SEMA3A: variants seen among roughly 807,000 people sequenced by gnomAD.
SEMA3A encodes the protein semaphorin 3A.
SEMA3A carries 29 observed loss-of-function variants against 97.9 expected under a neutral mutation model. The observed-to-expected ratio is 0.30, with a 90% confidence interval of 0.22 to 0.40. The LOEUF (loss-of-function observed/expected upper bound fraction) is 0.40, where lower values mean the gene tolerates loss of function less well. Among genes scored for constraint, SEMA3A ranks in the 10% least tolerant of loss-of-function variants. The pLI is 1.00. For synonymous variants in SEMA3A, 321 were observed against 323.7 expected, an observed-to-expected ratio of 0.99 and a Z score of 0.09; for missense variants, 763 against 951.3, an observed-to-expected ratio of 0.80 and a Z score of 2.60.
intron 3 of SEMA3A, among the ~76,000 whole-genome samples, chr7:84,228,611 G>GA (rs1055624742): frequency 5.3e-5 from 8 of 151,604 alleles, no homozygotes; most frequent in East Asian, 3.9e-4. Flanking sequence ...ATTTAGAAAA[G>GA]AAAAAAAACA....
chr7:84,436,564 C>G (rs902688921), intron 1 of SEMA3A, among the ~76,000 whole-genome samples: 1 of 152,110 alleles, frequency 6.6e-6, no homozygotes, highest in Non-Finnish European at 1.5e-5. Context: ...TTGTAAAACA[C>G]TGAAACTTTA....
At chr7:84,006,447 C>A (rs1790671399) in intron 10 of SEMA3A, among the ~76,000 whole-genome samples, 1 of 151,492 alleles carries the variant, frequency 6.6e-6, no homozygotes, top group Non-Finnish European at 1.5e-5. Flanking sequence ...AATCAGAATG[C>A]CCATCATGAC....
Position 84,384,018 on chromosome 7 carries a change from T to C in SEMA3A, c.-245-12118A>G, listed in dbSNP as rs1803336666. On this transcript the variant is annotated intron_variant, in intron 1 of 3. Transcript: ENST00000424555. ...CTTCCATGTCAGTCAATTTAGAATATTTGGAAACCTCATTAATCATTTGTT... is the reference window on the plus strand; with the variant it reads ...CTTCCATGTCAGTCAATTTAGAATACTTGGAAACCTCATTAATCATTTGTT... Among the ~76,000 whole-genome samples the C allele has an allele frequency of 2.0e-5, 3 of 152,300 alleles. No homozygotes were observed. In the South Asian group the frequency reaches 6.2e-4, roughly 32 times the overall value.
chr7:84,062,122 T>C (rs573974310), intron 4 of SEMA3A, among the ~76,000 whole-genome samples: 8 of 152,342 alleles, frequency 5.3e-5, no homozygotes, highest in African/African-American at 1.7e-4. Context: ...TTAAAAATGC[T>C]ATTTATATTC....
intron 6 of SEMA3A, among the ~76,000 whole-genome samples, chr7:84,014,726 A>C (rs973219098): frequency 3.9e-5 from 6 of 152,158 alleles, no homozygotes; most frequent in Admixed American, 3.9e-4. Context: ...TAAGAATTTA[A>C]ATCAAAATAT....
At position 84,019,559 on chromosome 7, in the gene SEMA3A, A is replaced by T. The variant is rs181178525; in HGVS notation, c.668-5208T>A. Among the ~76,000 whole-genome samples, 465 of 152,226 alleles carry T rather than the reference A, an allele frequency of 3.1e-3. 2 individuals carry two copies. The highest frequency in any genetic ancestry group is 0.01 in the African/African-American group (434 of 41,542). ...TTTAAATACAAATATGTACTTTAAA[A>T]TTTCTTTATCCTGAAAATAAACTTC... On this transcript the variant is annotated intron_variant, in intron 6 of 16. Coordinates refer to ENST00000265362, the MANE Select transcript of SEMA3A (RefSeq NM_006080.3).
intron 1 of SEMA3A, 62 bp downstream of exon 1, chr7:84,194,413 A>T: frequency 9.2e-7 from 1 of 1,081,700 alleles, no homozygotes; most frequent in Non-Finnish European, 1.4e-6. Context: ...AGGGAGTTCA[A>T]GGAATTAAGG....
intron 12 of SEMA3A, among the ~76,000 whole-genome samples, chr7:83,989,080 C>A (rs1371633406): frequency 5.3e-5 from 8 of 152,124 alleles, no homozygotes; most frequent in Admixed American, 4.6e-4. Flanking sequence ...TTCATTCCAA[C>A]AATTTCACAT....
At chr7:84,487,685 C>A (rs1806610443) in intron 1 of SEMA3A, among the ~76,000 whole-genome samples, 1 of 152,018 alleles carries the variant, frequency 6.6e-6, no homozygotes, top group African/African-American at 2.4e-5. Context: ...TAGAGGAAGT[C>A]CACTGTTTTT....
At chr7:84,296,465 C>T (rs946502468) in intron 3 of SEMA3A, among the ~76,000 whole-genome samples, 6 of 152,142 alleles carry the variant, frequency 3.9e-5, no homozygotes, top group Non-Finnish European at 7.4e-5. Context: ...TTCCTCATTC[C>T]ATCAGGTCTC....
At chr7:84,353,470 C>G (rs1802483029) in intron 2 of SEMA3A, among the ~76,000 whole-genome samples, 1 of 151,500 alleles carries the variant, frequency 6.6e-6, no homozygotes, top group South Asian at 2.1e-4. Context: ...CCAGAAATAA[C>G]AAATTTTAAC....
At chr7:84,328,564 A>T (rs1584242895) in intron 2 of SEMA3A, among the ~76,000 whole-genome samples, 1 of 152,184 alleles carries the variant, frequency 6.6e-6, no homozygotes, top group Admixed American at 6.6e-5. Context: ...TTCTCTTTTG[A>T]TGAGATAGAC....
chr7:84,360,531 C>T (rs530727771), intron 2 of SEMA3A, among the ~76,000 whole-genome samples: 1 of 151,954 alleles, frequency 6.6e-6, no homozygotes, highest in South Asian at 2.1e-4. Context: ...AATTTCTAAA[C>T]AGACAAACAA....
rs201089771 is a variant in SEMA3A, at chr7:83,985,492, G to A, written c.1453-15C>T. ...GCAGTCGGTTCCTAAAGGAGAAAAAGAAATATGTGAGGTGTTTGGTCAATT... is the reference window on the plus strand; with the variant it reads ...GCAGTCGGTTCCTAAAGGAGAAAAAAAAATATGTGAGGTGTTTGGTCAATT... On this transcript the variant is annotated splice_polypyrimidine_tract_variant and intron_variant, in intron 12 of 16. Coordinates refer to ENST00000265362, the MANE Select transcript of SEMA3A (RefSeq NM_006080.3). The A allele has an allele frequency of 7.3e-5, 117 of 1,606,560 alleles. No homozygotes were observed. In the East Asian group the frequency reaches 2.6e-3, roughly 36 times the overall value.
intron 3 of SEMA3A, among the ~76,000 whole-genome samples, chr7:84,115,970 A>G (rs1473736095): frequency 6.6e-6 from 1 of 152,210 alleles, no homozygotes; most frequent in Non-Finnish European, 1.5e-5. Flanking sequence ...TCTAACATAC[A>G]TGCCTTTACC....
chr7:84,040,929 T>C (rs1487842828), intron 6 of SEMA3A, among the ~76,000 whole-genome samples: 2 of 152,140 alleles, frequency 1.3e-5, no homozygotes, highest in Non-Finnish European at 2.9e-5. Context: ...GAAAATATAA[T>C]AATACTTCTA....
chr7:84,198,702 A>G (rs1798292648), upstream of SEMA3A, among the ~76,000 whole-genome samples: 1 of 152,156 alleles, frequency 6.6e-6, no homozygotes, highest in Admixed American at 6.5e-5. Context: ...CCTGCCGTGG[A>G]GTTACATTTC....
intron 1 of SEMA3A, among the ~76,000 whole-genome samples, chr7:84,136,764 ATATC>A (rs1269701637): frequency 6.6e-6 from 1 of 152,160 alleles, no homozygotes; most frequent in Admixed American, 6.5e-5. Context: ...GTAAAATGGA[ATATC>A]TATCTTTTTA....
intron 6 of SEMA3A, among the ~76,000 whole-genome samples, chr7:84,020,993 T>C (rs1404344423): frequency 6.6e-6 from 1 of 152,220 alleles, no homozygotes; most frequent in Non-Finnish European, 1.5e-5. Flanking sequence ...ACTGATGTAC[T>C]GACATTACTC....
Sources: gnomAD v4.1 joint callset for allele counts (sites outside exome capture counted in the v4.1 genomes callset) on GRCh38, gnomAD v4.1.1 for gene constraint, MANE v1.5 for transcripts, NCBI Gene and HGNC (gene_info 2026-07-23, HGNC 2026-07-21) for gene names.